Variants in ATP6V1B2 observed in about 807,000 individuals in gnomAD.
ATP6V1B2 encodes the protein V-type proton ATPase subunit B, brain isoform.
In ATP6V1B2, 23 loss-of-function variants were observed where a neutral mutation model predicts 66.7. The ratio of observed to expected loss-of-function variants is 0.34; its 90% CI spans 0.25 to 0.49. ATP6V1B2 has a LOEUF of 0.49. Ranked by LOEUF, ATP6V1B2 falls within the 20% of genes least tolerant of loss-of-function variation. The pLI, the probability that ATP6V1B2 is intolerant of heterozygous loss-of-function variation, is 0.99. For synonymous variants in ATP6V1B2, 278 were observed against 236.7 expected (o/e 1.17, Z -1.60); for missense variants, 478 against 650.8 (o/e 0.73, Z 2.89).
At chr8:20,218,881 CAG>C (rs1173996936) in intron 13 of ATP6V1B2, among the ~76,000 whole-genome samples, 1 of 152,136 alleles carries the variant, frequency 6.6e-6, no homozygotes, top group Non-Finnish European at 1.5e-5. Flanking sequence ...TCAGTGTACT[CAG>C]AACCAAAGTT....
chr8:20,219,228 G>A (rs539140615), intron 13 of ATP6V1B2, among the ~76,000 whole-genome samples: 10 of 152,302 alleles, frequency 6.6e-5, no homozygotes, highest in Middle Eastern at 3.4e-3. Flanking sequence ...CCTGGGTGAT[G>A]TTGAAGCTGC....
At chr8:20,216,856 A>C (rs1002709142) in intron 11 of ATP6V1B2, 22 of 253,680 alleles carry the variant, frequency 8.7e-5, no homozygotes, top group African/African-American at 4.5e-4. Context: ...AGCTTTTAGG[A>C]ATTATTGTTA....
chr8:20,211,560 G>C, intron 6 of ATP6V1B2, 92 bp from the exon 7 acceptor site: 1 of 1,400,106 alleles, frequency 7.1e-7, no homozygotes, highest in Non-Finnish European at 9.7e-7. Context: ...TTTCGTTTAT[G>C]ATTACGATTC....
rs376671385 is a variant in ATP6V1B2 at position 20,197,449 on chromosome 8, C to T, written c.43C>T (p.Pro15Ser). The change falls in exon 1 of 14, where the codon CCC becomes TCC. Residue 15 changes from proline to serine, a missense_variant. Physicochemically the swap from Pro to Ser is moderately conservative, Grantham distance 74. Transcript: ENST00000276390. The stretch of plus-strand genomic sequence containing the variant: ...GCGGGGGATTGTCAACGGGGCCGCA[C>T]CCGAGCTACCCGTGCCCACCGGTGG... ...AMRGIVNGAAPELPVPTGGPA... is the reference protein window; with the variant it reads ...AMRGIVNGAASELPVPTGGPA... 565 of 1,539,350 alleles carry T rather than the reference C, an allele frequency of 3.7e-4. No individual in the cohort carries two copies. The highest frequency in any genetic ancestry group is 4.8e-4 in the Non-Finnish European group (546 of 1,143,908).
intron 1 of ATP6V1B2, among the ~76,000 whole-genome samples, chr8:20,200,105 C>T (rs147569017): frequency 1.3e-5 from 2 of 152,108 alleles, no homozygotes; most frequent in African/African-American, 2.4e-5. Flanking sequence ...CAGGCTCAAG[C>T]GATCCTCCCA....
At chr8:20,207,472 G>A in intron 2 of ATP6V1B2, among the ~76,000 whole-genome samples, 1 of 152,070 alleles carries the variant, frequency 6.6e-6, no homozygotes, top group East Asian at 1.9e-4. Context: ...AGACAATACA[G>A]AAGACCGTTT....
At chr8:20,201,100 C>T (rs2072681041) in intron 1 of ATP6V1B2, among the ~76,000 whole-genome samples, 1 of 152,148 alleles carries the variant, frequency 6.6e-6, no homozygotes, top group African/African-American at 2.4e-5. Context: ...TTCATAAATA[C>T]TTGTCTGGCT....
chr8:20,217,432 A>G, intron 12 of ATP6V1B2, 108 bp downstream of exon 12: 1 of 984,160 alleles, frequency 1.0e-6, no homozygotes, highest in Non-Finnish European at 1.6e-6. Flanking sequence ...ATCCACATGG[A>G]ATTTTAGTGT....
chr8:20,212,475 C>G (rs922371529), intron 8 of ATP6V1B2, among the ~76,000 whole-genome samples: 2 of 152,180 alleles, frequency 1.3e-5, no homozygotes, highest in African/African-American at 4.8e-5. Flanking sequence ...ACACAATCAA[C>G]TCTCTGTAAA....
intron 12 of ATP6V1B2, 143 bp from the exon 13 acceptor site, chr8:20,218,010 C>A: frequency 8.1e-6 from 9 of 1,117,910 alleles, no homozygotes; most frequent in Non-Finnish European, 9.9e-6. Flanking sequence ...CTGGTACTTT[C>A]ATATGAATTT....
At chr8:20,207,274 C>A (rs1294732279) in intron 2 of ATP6V1B2, among the ~76,000 whole-genome samples, 1 of 152,138 alleles carries the variant, frequency 6.6e-6, no homozygotes, top group Non-Finnish European at 1.5e-5. Context: ...GCCCTGAAAT[C>A]AACTCTTCAC....
chr8:20,199,616 T>G (rs1471081872), intron 1 of ATP6V1B2, among the ~76,000 whole-genome samples: 1 of 144,344 alleles, frequency 6.9e-6, no homozygotes, highest in Admixed American at 6.9e-5. Context: ...TTTTTTTTTT[T>G]TTTTTTTTTT....
At chr8:20,215,654 A>G (rs182397635) in intron 10 of ATP6V1B2, 9 of 152,262 alleles carry the variant, frequency 5.9e-5, no homozygotes, top group African/African-American at 2.2e-4. Context: ...AGGGAGGTCA[A>G]ATGATTTGTT....
In ATP6V1B2 at chr8:20,211,114, T is replaced by C. The variant is rs543773815; in HGVS notation, c.464-63T>C. ...TCTTTTCTTTTAATTTGATATGATA[T>C]CTAATTTCATTCATGAATAATGCGG... On this transcript the variant is annotated intron_variant, in intron 5 of 13. Coordinates refer to ENST00000276390, the MANE Select transcript of ATP6V1B2 (RefSeq NM_001693.4). 4 of 1,573,940 alleles carry C rather than the reference T, an allele frequency of 2.5e-6. No individual in the cohort carries two copies. The African/African-American group carries it at 4.2e-5, about 16-fold the overall frequency.
intron 4 of ATP6V1B2, 49 bp from the exon 5 acceptor site, chr8:20,210,520 C>T (rs758698956): frequency 3.7e-6 from 6 of 1,606,958 alleles, no homozygotes; most frequent in Non-Finnish European, 5.1e-6. Context: ...AAATTATGAA[C>T]ATTTGAAAGT....
intron 3 of ATP6V1B2, among the ~76,000 whole-genome samples, 200 bp from the exon 4 acceptor site, chr8:20,210,146 T>C (rs1252439815): frequency 6.6e-6 from 1 of 150,748 alleles, no homozygotes; most frequent in African/African-American, 2.4e-5. Context: ...AGCTTGCTTA[T>C]CAAATTTGGC....
intron 1 of ATP6V1B2, among the ~76,000 whole-genome samples, chr8:20,200,303 C>A (rs1284050052): frequency 6.6e-6 from 1 of 152,138 alleles, no homozygotes; most frequent in Non-Finnish European, 1.5e-5. Context: ...CAGGTGTGAG[C>A]TGCTGTGCCC....
intron 1 of ATP6V1B2, 67 bp downstream of exon 1, chr8:20,197,609 C>T: frequency 1.5e-6 from 2 of 1,303,584 alleles, no homozygotes; most frequent in South Asian, 2.7e-5. Context: ...TCCCAGTCAC[C>T]TGCTTAGCCA....
intron 2 of ATP6V1B2, among the ~76,000 whole-genome samples, chr8:20,208,998 C>T (rs1470977721): frequency 2.0e-5 from 3 of 152,052 alleles, no homozygotes; most frequent in South Asian, 2.1e-4. Context: ...TGTGAGCCAC[C>T]GCGCCTAGCC....
Sources: allele counts gnomAD v4.1 joint callset (sites outside exome capture counted in the v4.1 genomes callset), GRCh38; gene constraint gnomAD v4.1.1; transcripts MANE v1.5; gene names NCBI Gene and HGNC (gene_info 2026-07-23, HGNC 2026-07-21).